FSD1L: variants seen among roughly 807,000 people sequenced by gnomAD.
FSD1L encodes the protein fibronectin type III and SPRY domain containing 1 like, also known as FSD1-like protein.
A neutral mutation model predicts 71.6 loss-of-function variants in FSD1L; 45 were observed. That is an observed-to-expected ratio of 0.63 (90% CI 0.49 to 0.81). The LOEUF (loss-of-function observed/expected upper bound fraction) is 0.81, where lower values mean the gene tolerates loss of function less well. Ranked by LOEUF, FSD1L falls within the 30% of genes least tolerant of loss-of-function variation. The pLI, the probability that FSD1L is intolerant of heterozygous loss-of-function variation, is 0.00. For missense variants in FSD1L, 561 were observed against 618.1 expected (o/e 0.91, Z 0.98); for synonymous variants, 197 against 207.2 (o/e 0.95, Z 0.42).
At chr9:105,512,977 G>C (rs1272231416) in intron 10 of FSD1L, 41 bp downstream of exon 10, 9 of 1,431,174 alleles carry the variant, frequency 6.3e-6, no homozygotes, top group Non-Finnish European at 8.3e-6. Flanking sequence ...ACAAATGCTT[G>C]TACACTGGTT....
intron 7 of FSD1L, among the ~76,000 whole-genome samples, chr9:105,485,680 G>C (rs1196268687): frequency 6.7e-6 from 1 of 148,850 alleles, no homozygotes; most frequent in African/African-American, 2.5e-5. Context: ...GTCTTGCTCT[G>C]TCACCCAGGC....
At chr9:105,523,805 C>T in intron 10 of FSD1L, 1 of 1,600,946 alleles carries the variant, frequency 6.2e-7, no homozygotes, top group Non-Finnish European at 8.5e-7. Flanking sequence ...TTCATATTGA[C>T]CAGGATATTG....
At chr9:105,509,825 T>C (rs960837760) in intron 9 of FSD1L, among the ~76,000 whole-genome samples, 2 of 152,210 alleles carry the variant, frequency 1.3e-5, no homozygotes, top group Admixed American at 6.5e-5. Context: ...TTACATGTTA[T>C]CAAACTGAGA....
intron 1 of FSD1L, among the ~76,000 whole-genome samples, chr9:105,457,777 G>A (rs898234105): frequency 3.3e-5 from 5 of 152,204 alleles, no homozygotes; most frequent in South Asian, 2.1e-4. Context: ...GTGTGTGAGC[G>A]AGCGAGTGAG....
chr9:105,457,659 C>G (rs1395856109), intron 1 of FSD1L, among the ~76,000 whole-genome samples: 1 of 152,258 alleles, frequency 6.6e-6, no homozygotes, highest in Admixed American at 6.5e-5. Flanking sequence ...TTCACTCATG[C>G]CGGCTGGGCT....
intron 10 of FSD1L, among the ~76,000 whole-genome samples, chr9:105,514,843 A>T (rs773019673): frequency 6.6e-6 from 1 of 152,166 alleles, no homozygotes; most frequent in Non-Finnish European, 1.5e-5. Flanking sequence ...CTGCCAGTTT[A>T]TGGGCCTGAG....
At chr9:105,458,515 G>T (rs1420585396) in intron 1 of FSD1L, among the ~76,000 whole-genome samples, 4 of 152,174 alleles carry the variant, frequency 2.6e-5, no homozygotes, top group Admixed American at 2.0e-4. Flanking sequence ...GAGGAGTCCT[G>T]AAATGGGTAG....
chr9:105,493,629 T>C (rs1833121023), intron 7 of FSD1L, among the ~76,000 whole-genome samples: 1 of 152,242 alleles, frequency 6.6e-6, no homozygotes, highest in African/African-American at 2.4e-5. Context: ...GATTTTGCAG[T>C]GGCTGGTACT....
intron 1 of FSD1L, among the ~76,000 whole-genome samples, chr9:105,452,485 G>A (rs1345387744): frequency 6.6e-6 from 1 of 152,154 alleles, no homozygotes; most frequent in Admixed American, 6.6e-5. Flanking sequence ...ACAACCCATA[G>A]TTTTTTCATT....
intron 1 of FSD1L, among the ~76,000 whole-genome samples, chr9:105,453,316 G>A (rs1298730659): frequency 6.6e-6 from 1 of 151,870 alleles, no homozygotes; most frequent in Non-Finnish European, 1.5e-5. Flanking sequence ...CTCGTAGCTG[G>A]GATTATAGGC....
intron 10 of FSD1L, chr9:105,522,023 G>A (rs569683885): frequency 3.1e-6 from 5 of 1,613,030 alleles, no homozygotes; most frequent in African/African-American, 2.7e-5. Flanking sequence ...TCAGAGTCAC[G>A]GAATCTGTAC....
intron 13 of FSD1L, among the ~76,000 whole-genome samples, chr9:105,542,446 T>A (rs780125857): frequency 6.6e-6 from 1 of 152,194 alleles, no homozygotes; most frequent in Non-Finnish European, 1.5e-5. Flanking sequence ...AATTGTTTTC[T>A]TATTTTTTTA....
upstream of FSD1L, chr9:105,447,968 C>A: frequency 1.8e-6 from 1 of 540,598 alleles, no homozygotes; most frequent in Admixed American, 4.0e-5. Flanking sequence ...GGCTACTTCC[C>A]GGGAGCAGTC....
intron 10 of FSD1L, among the ~76,000 whole-genome samples, chr9:105,519,555 G>T (rs907582403): frequency 6.6e-6 from 1 of 152,138 alleles, no homozygotes; most frequent in Non-Finnish European, 1.5e-5. Flanking sequence ...AAAACCACAT[G>T]ATTATCTCAA....
chr9:105,448,387 C>T (rs976488275), intron 1 of FSD1L, among the ~76,000 whole-genome samples, 152 bp downstream of exon 1: 2 of 121,808 alleles, frequency 1.6e-5, no homozygotes, highest in Admixed American at 2.0e-4. Flanking sequence ...CCCGGCCGCT[C>T]TCTGGGCGGG....
chr9:105,498,119 A>G (rs1310948322), intron 7 of FSD1L, among the ~76,000 whole-genome samples: 6 of 151,962 alleles, frequency 3.9e-5, no homozygotes, highest in Non-Finnish European at 8.8e-5. Context: ...CACTGGGACT[A>G]CAGGTGTGAC....
intron 13 of FSD1L, among the ~76,000 whole-genome samples, chr9:105,545,300 T>C (rs1836918802): frequency 4.8e-5 from 7 of 145,968 alleles, no homozygotes; most frequent in African/African-American, 1.6e-4. Context: ...CTGAAGTTGC[T>C]TATCAGCTTA....
At chr9:105,524,047 A>T (rs1242407152) in intron 10 of FSD1L, 10 of 1,606,904 alleles carry the variant, frequency 6.2e-6, no homozygotes, top group Non-Finnish European at 8.5e-6. Flanking sequence ...GCTGTGTCTC[A>T]GTTTACAGAT....
At chr9:105,458,236 C>T (rs951222954) in intron 1 of FSD1L, among the ~76,000 whole-genome samples, 1 of 152,192 alleles carries the variant, frequency 6.6e-6, no homozygotes, top group Non-Finnish European at 1.5e-5. Flanking sequence ...GAGGTCTAGG[C>T]CCTTAGAAGT....
Sources: allele counts gnomAD v4.1 joint callset (sites outside exome capture counted in the v4.1 genomes callset), GRCh38; gene constraint gnomAD v4.1.1; transcripts MANE v1.5; gene names NCBI Gene and HGNC (gene_info 2026-07-23, HGNC 2026-07-21).